The following HACE1 variants were observed in gnomAD, a reference collection of about 807,000 sequenced individuals.
The protein encoded by HACE1 is HECT domain and ankyrin repeat containing E3 ubiquitin protein ligase 1, also known as E3 ubiquitin-protein ligase HACE1.
HACE1 carries 73 observed loss-of-function variants against 118.4 expected under a neutral mutation model. The ratio of observed to expected loss-of-function variants is 0.62; its 90% CI spans 0.51 to 0.75. The LOEUF (loss-of-function observed/expected upper bound fraction) is 0.75. Ranked by LOEUF, HACE1 falls within the 30% of genes least tolerant of loss-of-function variation. The pLI is 0.00. For missense variants in HACE1, 749 were observed against 1,102.2 expected (o/e 0.68, Z 4.54); for synonymous variants, 368 against 374.8 (o/e 0.98, Z 0.21).
intron 22 of HACE1, among the ~76,000 whole-genome samples, chr6:104,736,804 G>A (rs1775889993): frequency 6.6e-6 from 1 of 152,004 alleles, no homozygotes; most frequent in African/African-American, 2.4e-5. Flanking sequence ...GATTTATAGT[G>A]TGAGTCCAAC....
chr6:104,852,224 T>TGC, intron 2 of HACE1, 93 bp downstream of exon 2: 4 of 720,316 alleles, frequency 5.6e-6, no homozygotes, highest in Non-Finnish European at 7.7e-6. Context: ...TGTGTGTGTG[T>TGC]GTGTGCGCGC....
chr6:104,730,226 G>GC, intron 23 of HACE1, 77 bp downstream of exon 23: 1 of 795,922 alleles, frequency 1.3e-6, no homozygotes, highest in Non-Finnish European at 2.2e-6. Flanking sequence ...TCCCAATGCA[G>GC]CAACAGTTAG....
chr6:104,802,554 A>G (rs1170799557), intron 7 of HACE1, among the ~76,000 whole-genome samples: 1 of 152,232 alleles, frequency 6.6e-6, no homozygotes, highest in Non-Finnish European at 1.5e-5. Flanking sequence ...CTCAGGATTA[A>G]CAAACTCATT....
At chr6:104,849,020 C>T in intron 4 of HACE1, 122 bp downstream of exon 4, 1 of 687,280 alleles carries the variant, frequency 1.5e-6, no homozygotes, top group Admixed American at 2.3e-5. Context: ...AAAATATGCA[C>T]CATTATTTTA....
At chr6:104,824,864 G>C (rs957059882) in intron 6 of HACE1, 6 of 151,824 alleles carry the variant, frequency 4.0e-5, no homozygotes, top group African/African-American at 1.2e-4. Flanking sequence ...ACGACGTCAG[G>C]AGATTGAGAC....
At chr6:104,736,249 G>A (rs1297112326) in intron 22 of HACE1, among the ~76,000 whole-genome samples, 1 of 151,420 alleles carries the variant, frequency 6.6e-6, no homozygotes, top group Admixed American at 6.6e-5. Context: ...TCTATAACCT[G>A]TTAATAGTTA....
chr6:104,742,006 A>G (rs1329391238), intron 22 of HACE1, among the ~76,000 whole-genome samples: 8 of 150,286 alleles, frequency 5.3e-5, no homozygotes, highest in South Asian at 4.2e-4. Flanking sequence ...AAATAACGCC[A>G]CGTATCTACA....
intron 22 of HACE1, among the ~76,000 whole-genome samples, chr6:104,738,663 C>G (rs1776236993): frequency 6.7e-6 from 1 of 149,484 alleles, no homozygotes. Flanking sequence ...AAATATGGGA[C>G]TATGTGAAAA....
At chr6:104,835,780 G>A (rs1056240062) in intron 5 of HACE1, among the ~76,000 whole-genome samples, 2 of 152,032 alleles carry the variant, frequency 1.3e-5, no homozygotes, top group African/African-American at 4.8e-5. Flanking sequence ...AATAATCACA[G>A]GATTTTAGAA....
At chr6:104,811,482 C>T (rs1771618910) in intron 6 of HACE1, 89 bp from the exon 7 acceptor site, 1 of 668,144 alleles carries the variant, frequency 1.5e-6, no homozygotes, top group African/African-American at 1.8e-5. Context: ...AAGGGAAGTT[C>T]TTCCCACAAC....
At chr6:104,815,056 C>T (rs759037515) in intron 6 of HACE1, among the ~76,000 whole-genome samples, 1 of 138,212 alleles carries the variant, frequency 7.2e-6, no homozygotes, top group African/African-American at 2.9e-5. Flanking sequence ...AATGTGGAAG[C>T]GACTTTGGAA....
At chr6:104,749,222 AG>A (rs1266302186) in intron 20 of HACE1, among the ~76,000 whole-genome samples, 2 of 152,166 alleles carry the variant, frequency 1.3e-5, no homozygotes, top group African/African-American at 4.8e-5. Flanking sequence ...TATTGCAGTC[AG>A]GTCTAATAAT....
At chr6:104,771,122 A>G (rs1780560288) in intron 19 of HACE1, 71 bp downstream of exon 19, 5 of 1,105,876 alleles carry the variant, frequency 4.5e-6, no homozygotes. Flanking sequence ...TGCCAGAAGA[A>G]TTTAGAGTAA....
chr6:104,858,832 T>C (rs1777007611), intron 1 of HACE1, among the ~76,000 whole-genome samples: 1 of 152,162 alleles, frequency 6.6e-6, no homozygotes, highest in South Asian at 2.1e-4. Flanking sequence ...AACTGCTTAT[T>C]TTCTCTCCTT....
Position 104,771,186 on chromosome 6 carries a change from T to C in HACE1, c.2211+7A>G. ...ACAATGGTTAAGGTAAAAACTGAAA[T>C]ACTCACTTTATTATTTTGTGTCACA... On this transcript the variant is annotated splice_region_variant and intron_variant, in intron 19 of 23. Transcript: ENST00000262903. 1 of 1,590,734 alleles carries C rather than the reference T, an allele frequency of 6.3e-7. No homozygotes were observed. Among genetic ancestry groups the C allele is most frequent in the Non-Finnish European group, 8.6e-7 (1 of 1,158,642 alleles).
At chr6:104,761,894 GA>G (rs1779398281) in intron 19 of HACE1, among the ~76,000 whole-genome samples, 1 of 152,166 alleles carries the variant, frequency 6.6e-6, no homozygotes, top group Admixed American at 6.5e-5. Context: ...CAAAGGATAT[GA>G]ACAGACACTT....
intron 19 of HACE1, among the ~76,000 whole-genome samples, chr6:104,761,433 C>A (rs914706855): frequency 6.6e-6 from 1 of 152,124 alleles, no homozygotes; most frequent in Non-Finnish European, 1.5e-5. Context: ...ATCCGACACA[C>A]ATAAGCAATA....
At chr6:104,768,191 G>A (rs1327626206) in intron 19 of HACE1, among the ~76,000 whole-genome samples, 2 of 152,034 alleles carry the variant, frequency 1.3e-5, no homozygotes, top group Non-Finnish European at 2.9e-5. Flanking sequence ...TTGGGAATAA[G>A]GGACTCCCCC....
At chr6:104,768,075 C>T (rs1411090200) in intron 19 of HACE1, among the ~76,000 whole-genome samples, 1 of 152,100 alleles carries the variant, frequency 6.6e-6, no homozygotes, top group Non-Finnish European at 1.5e-5. Flanking sequence ...AATATATATA[C>T]ATCTGCCTAT....
Sources: allele counts gnomAD v4.1 joint callset (sites outside exome capture counted in the v4.1 genomes callset), GRCh38; gene constraint gnomAD v4.1.1; transcripts MANE v1.5; gene names NCBI Gene and HGNC (gene_info 2026-07-23, HGNC 2026-07-21).